Variants in FAT3 observed in about 807,000 individuals in gnomAD.
FAT3 encodes FAT atypical cadherin 3.
Under a neutral mutation model 310.2 loss-of-function variants are expected in FAT3, and 95 were observed. That is an observed-to-expected ratio of 0.31 (90% CI 0.26 to 0.36). The LOEUF is 0.36. Ranked by LOEUF, FAT3 falls within the 10% of genes least tolerant of loss-of-function variation. The probability of loss-of-function intolerance (pLI) is 1.00; values close to 1 mark genes in which losing one functional copy is unlikely to be tolerated. For missense variants in FAT3, 5,408 were observed against 5,715.6 expected (o/e 0.95, Z 1.74); for synonymous variants, 2,314 against 2,192.9 (o/e 1.06, Z -1.54).
intron 2 of FAT3, among the ~76,000 whole-genome samples, chr11:92,468,057 G>A (rs981943774): frequency 2.6e-5 from 4 of 152,100 alleles, no homozygotes; most frequent in East Asian, 1.9e-4. Context: ...AGATGTCAGC[G>A]GCAAAACATA....
At chr11:92,359,943 T>G (rs59522020) in intron 2 of FAT3, among the ~76,000 whole-genome samples, 1,725 of 145,394 alleles carry the variant, frequency 0.012, 33 homozygotes, top group African/African-American at 0.043. Context: ...TAAACATACG[T>G]GTGCATGTGT....
At chr11:92,845,197 G>A (rs991138996) in intron 19 of FAT3, among the ~76,000 whole-genome samples, 4 of 152,242 alleles carry the variant, frequency 2.6e-5, no homozygotes, top group Non-Finnish European at 5.9e-5. Flanking sequence ...TGTGAAATAA[G>A]GCTTGAGAGC....
At chr11:92,425,963 T>A (rs1189573645) in intron 2 of FAT3, among the ~76,000 whole-genome samples, 1 of 152,148 alleles carries the variant, frequency 6.6e-6, no homozygotes, top group Non-Finnish European at 1.5e-5. Flanking sequence ...CACCACACTG[T>A]CTTCTACAAT....
chr11:92,616,615 C>T (rs937196524), intron 3 of FAT3, among the ~76,000 whole-genome samples: 5 of 152,094 alleles, frequency 3.3e-5, no homozygotes, highest in Admixed American at 6.5e-5. Context: ...TAGCTGGTAC[C>T]GGTTGTTCCT....
chr11:92,419,213 A>G (rs774397348), intron 2 of FAT3, among the ~76,000 whole-genome samples: 3 of 152,190 alleles, frequency 2.0e-5, no homozygotes, highest in African/African-American at 7.2e-5. Context: ...TATGTAAGTG[A>G]TCAAATTATA....
intron 3 of FAT3, among the ~76,000 whole-genome samples, chr11:92,629,927 G>A (rs992290344): frequency 6.6e-6 from 1 of 152,074 alleles, no homozygotes; most frequent in African/African-American, 2.4e-5. Context: ...CCATTCAGAG[G>A]GGTTGATTCA....
At chr11:92,794,985 T>G (rs888024992) in intron 9 of FAT3, among the ~76,000 whole-genome samples, 4 of 152,194 alleles carry the variant, frequency 2.6e-5, no homozygotes, top group African/African-American at 9.6e-5. Context: ...TTAACTTTTC[T>G]CACACACATC....
At chr11:92,446,693 C>T (rs1951219162) in intron 2 of FAT3, among the ~76,000 whole-genome samples, 2 of 152,114 alleles carry the variant, frequency 1.3e-5, no homozygotes, top group South Asian at 4.1e-4. Context: ...TGTTTCCACG[C>T]ATTAAATTGT....
At chr11:92,607,999 C>CT (rs895991001) in intron 3 of FAT3, among the ~76,000 whole-genome samples, 78 of 148,890 alleles carry the variant, frequency 5.2e-4, no homozygotes, top group African/African-American at 1.7e-3. Flanking sequence ...ATTTCTTGAA[C>CT]TTTTTTTTTT....
intron 4 of FAT3, among the ~76,000 whole-genome samples, chr11:92,703,437 C>G (rs1944164387): frequency 6.6e-6 from 1 of 152,158 alleles, no homozygotes; most frequent in African/African-American, 2.4e-5. Context: ...CTTCAGAGAA[C>G]TCTACAGGAA....
intron 3 of FAT3, among the ~76,000 whole-genome samples, chr11:92,587,815 G>A (rs954755353): frequency 1.3e-5 from 2 of 151,894 alleles, no homozygotes; most frequent in African/African-American, 2.4e-5. Context: ...CCAATTATTT[G>A]CATTTTTGAG....
chr11:92,259,444 A>C (rs1865446461), intron 1 of FAT3, among the ~76,000 whole-genome samples: 1 of 152,154 alleles, frequency 6.6e-6, no homozygotes, highest in African/African-American at 2.4e-5. Flanking sequence ...CCATGTTTAT[A>C]ATTATGGCTA....
At chr11:92,602,755 G>A (rs1253154527) in intron 3 of FAT3, among the ~76,000 whole-genome samples, 1 of 152,182 alleles carries the variant, frequency 6.6e-6, no homozygotes, top group Admixed American at 6.5e-5. Context: ...CAGCCTGAAA[G>A]TGGCTGCTTC....
chr11:92,841,431 G>T (rs1322965375), intron 18 of FAT3, among the ~76,000 whole-genome samples: 1 of 152,176 alleles, frequency 6.6e-6, no homozygotes, highest in Admixed American at 6.5e-5. Flanking sequence ...GACAATAATA[G>T]CAATAGTAAT....
At chr11:92,503,213 A>G (rs186511378) in intron 2 of FAT3, among the ~76,000 whole-genome samples, 1 of 152,258 alleles carries the variant, frequency 6.6e-6, no homozygotes, top group East Asian at 1.9e-4. Flanking sequence ...TTGTGTCCAT[A>G]GATTTTGGAA....
intron 4 of FAT3, among the ~76,000 whole-genome samples, chr11:92,745,495 T>A (rs1945633492): frequency 6.6e-6 from 1 of 151,644 alleles, no homozygotes; most frequent in Admixed American, 6.6e-5. Flanking sequence ...TCAAGCAAGT[T>A]TTATGAATAG....
intron 2 of FAT3, among the ~76,000 whole-genome samples, chr11:92,450,130 T>G (rs1951318393): frequency 6.6e-6 from 1 of 152,242 alleles, no homozygotes; most frequent in Non-Finnish European, 1.5e-5. Flanking sequence ...ATACGGCCCC[T>G]GCCTGACCTG....
intron 19 of FAT3, among the ~76,000 whole-genome samples, chr11:92,852,814 A>G (rs1250042182): frequency 6.6e-6 from 1 of 152,344 alleles, no homozygotes; most frequent in East Asian, 1.9e-4. Flanking sequence ...TGATTTAATT[A>G]CATGTCATGC....
chr11:92,785,366 C>T (rs1946861214), intron 7 of FAT3, among the ~76,000 whole-genome samples: 2 of 152,020 alleles, frequency 1.3e-5, no homozygotes, highest in South Asian at 2.1e-4. Context: ...GTACTATTTA[C>T]TGTCATGCTG....
Sources: allele counts gnomAD v4.1 joint callset (sites outside exome capture counted in the v4.1 genomes callset), GRCh38; gene constraint gnomAD v4.1.1; transcripts MANE v1.5; gene names NCBI Gene and HGNC (gene_info 2026-07-23, HGNC 2026-07-21).